LYST: variants seen among roughly 807,000 people sequenced by gnomAD.
LYST encodes the protein lysosomal-trafficking regulator.
A neutral mutation model predicts 413.6 loss-of-function variants in LYST; 192 were observed. That is an observed-to-expected ratio of 0.46 (90% CI 0.41 to 0.52). LYST has a LOEUF of 0.52. Among genes scored for constraint, LYST ranks in the 20% least tolerant of loss-of-function variants. LYST has a pLI of 0.00. For missense variants in LYST, 3,815 were observed against 4,499.9 expected (o/e 0.85, Z 4.35); for synonymous variants, 1,525 against 1,567.3 (o/e 0.97, Z 0.64).
At chr1:235,836,789 TAGGTA>T (rs1390666097) in intron 1 of LYST, among the ~76,000 whole-genome samples, 1 of 152,240 alleles carries the variant, frequency 6.6e-6, no homozygotes, top group Non-Finnish European at 1.5e-5. Flanking sequence ...TGTTTACTGA[TAGGTA>T]AGACTGACAT....
At chr1:235,680,094 T>C (rs190092643) in intron 48 of LYST, among the ~76,000 whole-genome samples, 218 of 151,820 alleles carry the variant, frequency 1.4e-3, no homozygotes, top group African/African-American at 5.1e-3. Context: ...TTAAAATATA[T>C]ACTTATAAGT....
In LYST at chr1:235,731,141, T is replaced by C; in HGVS notation, c.8838A>G (p.Ser2946=). 8.7e-6 allele frequency: 14 copies of C among 1,613,508 alleles called. No individual in the cohort carries two copies. The highest frequency in any genetic ancestry group is 1.1e-5 in the Non-Finnish European group (13 of 1,179,514). ...GCCCTTCTGTTGGATCCAACTGCCATGAGGTTGGATAGTAGATGGGGTCAT... is the reference window on the plus strand; with the variant it reads ...GCCCTTCTGTTGGATCCAACTGCCACGAGGTTGGATAGTAGATGGGGTCAT... ...VWYDPIYYPT[S]WQLDPTEGPN... is the part of the protein sequence containing the mutation. The change falls in exon 35 of 53, where the codon TCA becomes TCG. Residue 2946 remains serine, a synonymous_variant. Coordinates refer to ENST00000389793, the MANE Select transcript of LYST (RefSeq NM_000081.4).
At position 235,812,964 on chromosome 1, in the gene LYST, A is replaced by T; in HGVS notation, c.283+7T>A. ...CACAAGTGATATGATAAAGGGAAAA[A>T]GCATACCTGTTGCCTTTTCTTCTTG... On this transcript the variant is annotated splice_region_variant and intron_variant, in intron 4 of 52. Transcript: ENST00000389793. 6.3e-7 allele frequency: 1 copy of T among 1,576,412 alleles called. No individual in the cohort carries two copies. The highest frequency in any genetic ancestry group is 8.7e-7 in the Non-Finnish European group (1 of 1,146,034).
chr1:235,862,804 CAA>C (rs1491254156), intron 1 of LYST, among the ~76,000 whole-genome samples: 319 of 93,640 alleles, frequency 3.4e-3, no homozygotes, highest in African/African-American at 0.013. Flanking sequence ...TCAAAACAAA[CAA>C]ACACACACAC....
chr1:235,815,940 G>A (rs1284701198), intron 3 of LYST, among the ~76,000 whole-genome samples: 1 of 151,614 alleles, frequency 6.6e-6, no homozygotes, highest in Non-Finnish European at 1.5e-5. Flanking sequence ...AGACCATCCC[G>A]GCCAACTGGT....
At position 235,724,874 on chromosome 1, in the gene LYST, C is replaced by A. The variant is rs1223953976; in HGVS notation, c.9163-694G>T. ...CAAGGGAAATGACATCCCCAGAAGT[C>A]AAAAATGTAGAGGAACTGGAAAATC... On this transcript the variant is annotated intron_variant, in intron 38 of 52. Coordinates refer to ENST00000389793, the MANE Select transcript of LYST (RefSeq NM_000081.4). 5.3e-5 allele frequency among the ~76,000 whole-genome samples: 8 copies of A among 152,250 alleles called. No homozygotes were observed. The East Asian group carries it at 1.2e-3, about 22-fold the overall frequency.
At chr1:235,672,920 C>G (rs1199160632) in intron 50 of LYST, among the ~76,000 whole-genome samples, 1 of 152,166 alleles carries the variant, frequency 6.6e-6, no homozygotes, top group Non-Finnish European at 1.5e-5. Context: ...CCTTTACTCA[C>G]TCCCTCAAGA....
intron 1 of LYST, among the ~76,000 whole-genome samples, chr1:235,865,242 T>C (rs1484171205): frequency 6.6e-6 from 1 of 152,140 alleles, no homozygotes; most frequent in Non-Finnish European, 1.5e-5. Flanking sequence ...TTGGCTCAAA[T>C]GATATCTTTT....
chr1:235,756,321 T>G (rs1667049224), intron 24 of LYST, among the ~76,000 whole-genome samples: 1 of 152,192 alleles, frequency 6.6e-6, no homozygotes. Flanking sequence ...ACTTTTTCCA[T>G]GAATCCTTCC....
At position 235,791,995 on chromosome 1, in the gene LYST, C is replaced by T. The variant is rs1322632188; in HGVS notation, c.4247G>A (p.Gly1416Glu). Residue 1416 changes from glycine (G) to glutamate (E), a missense_variant, in exon 12 of 53, where the codon GGG (glycine) becomes GAG (glutamate). By Grantham distance (98) the Gly-to-Glu change is moderately conservative. This residue lies in a region of LYST where 1,648 missense variants were observed against 1,810.3 expected (regional missense o/e 0.91). Coordinates refer to ENST00000389793, the MANE Select transcript of LYST (RefSeq NM_000081.4). ...SNGVSSQKYP[G>E]ILNSKAMGLL... The stretch of plus-strand genomic sequence containing the variant: ...ACCCATGGCCTTACTGTTTAAAATC[C>T]CAGGATACTTTTGTGATGAAACACC... 2.5e-6 allele frequency: 4 copies of T among 1,614,050 alleles called. No individual in the cohort carries two copies. The highest frequency in any genetic ancestry group is 2.2e-5 in the East Asian group (1 of 44,868).
At chr1:235,756,721 G>A (rs1293229016) in intron 24 of LYST, among the ~76,000 whole-genome samples, 3 of 152,020 alleles carry the variant, frequency 2.0e-5, no homozygotes, top group Non-Finnish European at 4.4e-5. Context: ...TTATATTTGT[G>A]AGAAATTTAA....
At chr1:235,704,758 C>A (rs930495106) in intron 44 of LYST, among the ~76,000 whole-genome samples, 1 of 152,074 alleles carries the variant, frequency 6.6e-6, no homozygotes, top group African/African-American at 2.4e-5. Flanking sequence ...TAAGTTAGAT[C>A]CCACTTGTCA....
chr1:235,827,471 G>A, intron 3 of LYST: 2 of 983,970 alleles, frequency 2.0e-6, no homozygotes, highest in Non-Finnish European at 2.4e-6. Context: ...TTCATGAGAA[G>A]CACAGATAGA....
chr1:235,709,209 C>T lies in LYST; in HGVS notation c.10025G>A (p.Arg3342Gln), dbSNP rs751371601. Residue 3342 changes from arginine (R) to glutamine (Q), a missense_variant, in exon 44 of 53, where the codon CGG (arginine) becomes CAG (glutamine). Around this residue, in one of 4 missense-constraint regions of LYST, gnomAD observed 866 missense variants for 1,156.0 expected, o/e 0.75. Transcript: ENST00000389793. ...CACGTAGTCAGACTCTAGAGCCTGC[C>T]GATGGATGAGGATAAAAAGACGAGG... ...NDPRLFILIH[R>Q]QALESDYVSQ... 10 of 1,614,026 alleles carry T rather than the reference C, an allele frequency of 6.2e-6. No homozygotes were observed. Among genetic ancestry groups the T allele is most frequent in the East Asian group, 2.2e-5 (1 of 44,874 alleles).
chr1:235,689,081 GAATT>G lies in LYST; in HGVS notation c.10702-2038_10702-2035del, dbSNP rs540187588. 1.6e-3 allele frequency among the ~76,000 whole-genome samples: 243 copies of G among 150,712 alleles called. 3 individuals are homozygous for G. The highest frequency in any genetic ancestry group is 5.7e-3 in the African/African-American group (233 of 41,184). On this transcript the variant is annotated intron_variant, in intron 47 of 52. Transcript: ENST00000389793. ...CCTAGCTGAATTTTCTCAAATCAAA[GAATT>G]AATGGGTGAACAAAAATATATCTTT... is the stretch of plus-strand genomic sequence containing the variant.
At chr1:235,827,131 T>C (rs962797649) in intron 3 of LYST, among the ~76,000 whole-genome samples, 2 of 150,984 alleles carry the variant, frequency 1.3e-5, no homozygotes, top group African/African-American at 4.9e-5. Context: ...TGGGAGGCCA[T>C]GGCGGGCAGA....
intron 1 of LYST, among the ~76,000 whole-genome samples, chr1:235,879,580 T>C (rs1049360982): frequency 6.6e-6 from 1 of 152,238 alleles, no homozygotes; most frequent in Non-Finnish European, 1.5e-5. Flanking sequence ...TTAACACCAT[T>C]CATTATACTC....
chr1:235,856,183 GA>G (rs143806924), intron 1 of LYST, among the ~76,000 whole-genome samples: 32 of 152,146 alleles, frequency 2.1e-4, no homozygotes, highest in Non-Finnish European at 4.1e-4. Context: ...CTTGTATAAA[GA>G]AAAAGGGTTA....
intron 47 of LYST, 36 bp from the exon 48 acceptor site, chr1:235,687,083 T>C: frequency 7.4e-7 from 1 of 1,354,564 alleles, no homozygotes; most frequent in East Asian, 2.3e-5. Context: ...TATCATGTTT[T>C]AAAAGAATGA....
Sources: allele counts gnomAD v4.1 joint callset (sites outside exome capture counted in the v4.1 genomes callset), GRCh38; gene constraint gnomAD v4.1.1; regional missense constraint gnomAD v4.1.1; transcripts MANE v1.5; gene names NCBI Gene and HGNC (gene_info 2026-07-23, HGNC 2026-07-21).